Variants in PRNP observed in about 807,000 individuals in gnomAD.
PRNP encodes major prion protein.
In PRNP, 15 loss-of-function variants were observed where a neutral mutation model predicts 21.3. The observed-to-expected ratio is 0.71, with a 90% CI of 0.47 to 1.09. The LOEUF (loss-of-function observed/expected upper bound fraction) is 1.09. Ranked by LOEUF, PRNP falls within the 50% of genes least tolerant of loss-of-function variation. The pLI, the probability that PRNP is intolerant of heterozygous loss-of-function variation, is 0.00. For synonymous variants in PRNP, 121 were observed against 123.1 expected, an observed-to-expected ratio of 0.98 and a Z score of 0.11; for missense variants, 285 against 340.9, an observed-to-expected ratio of 0.84 and a Z score of 1.29.
At chr20:4,695,808 C>G (rs1922132707) in intron 1 of PRNP, among the ~76,000 whole-genome samples, 1 of 152,240 alleles carries the variant, frequency 6.6e-6, no homozygotes, top group African/African-American at 2.4e-5. Flanking sequence ...TTGTACCTTT[C>G]ACATGTAAGT....
At chr20:4,687,806 C>T (rs533226725) in intron 1 of PRNP, among the ~76,000 whole-genome samples, 1 of 152,264 alleles carries the variant, frequency 6.6e-6, no homozygotes, top group South Asian at 2.1e-4. Context: ...AAGTGTTTCC[C>T]GTTTCCTTAG....
In PRNP at chr20:4,700,905, G is replaced by A. The variant is rs759771601; in HGVS notation, c.*923G>A. ...TTTGACATACAGGAGAGCTGCAGTT[G>A]TGAAAGCACCATCATCATAGAGGAT... On this transcript the variant is annotated 3_prime_UTR_variant, in exon 2 of 2. Coordinates refer to ENST00000379440, the MANE Select transcript of PRNP (RefSeq NM_000311.5). This position sits in a 1 kb window ranked among gnomAD's most constrained non-coding sequence, Gnocchi z 4.1. 4 of 166,776 alleles carry A rather than the reference G, an allele frequency of 2.4e-5. No individual in the cohort carries two copies. Among genetic ancestry groups the A allele is most frequent in the Admixed American group, 1.3e-4 (2 of 15,288 alleles). 10.3% of individuals were successfully genotyped at this position (166,776 alleles called of 1,614,324 possible). A position where few individuals can be genotyped will look rare whatever the true frequency, so the allele number is the denominator to read the frequency against.
Position 4,700,065 on chromosome 20 carries a change from TG to T in PRNP, c.*85del. On this transcript the variant is annotated 3_prime_UTR_variant, in exon 2 of 2. Coordinates refer to ENST00000379440, the MANE Select transcript of PRNP (RefSeq NM_000311.5). The surrounding 1 kb of genome is among the most constrained non-coding windows in gnomAD (Gnocchi z 4.1). ...TATCCACCTGCAGCCCTTTTAGTGG[TG>T]GTGTCTCACTCTTTCTTCTCTCTTT... is the stretch of plus-strand genomic sequence containing the variant. 1 of 1,551,638 alleles carries T rather than the reference TG, an allele frequency of 6.4e-7. No individual in the cohort carries two copies. Among genetic ancestry groups the T allele is most frequent in the Non-Finnish European group, 8.7e-7 (1 of 1,147,284 alleles).
Position 4,699,777 on chromosome 20 carries a change from A to G in PRNP, c.557A>G (p.Gln186Arg). The G allele has an allele frequency of 6.2e-7, 1 of 1,614,082 alleles. No individual in the cohort carries two copies. Residue 186 changes from glutamine (Q) to arginine (R), a missense_variant, in exon 2 of 2, where the codon CAG becomes CGG. By Grantham distance (43) the Gln-to-Arg change is conservative (BLOSUM62 1). Coordinates refer to ENST00000379440, the MANE Select transcript of PRNP (RefSeq NM_000311.5). The surrounding 1 kb of genome is among the most constrained non-coding windows in gnomAD (Gnocchi z 5.8). ...GACTGCGTCAATATCACAATCAAGC[A>G]GCACACGGTCACCACAACCACCAAG... is the stretch of plus-strand genomic sequence containing the variant. ...VHDCVNITIK[Q>R]HTVTTTTKGE...
rs144761060 is a variant in PRNP, at chr20:4,697,887, T to C, written c.-10-1324T>C. The stretch of plus-strand genomic sequence containing the variant: ...AGGTGCTTAGCATTGATTTTCAAGG[T>C]AGAGCTACTGAGATTTGCTGATAGA... On this transcript the variant is annotated intron_variant, in intron 1 of 1. Coordinates refer to ENST00000379440, the MANE Select transcript of PRNP (RefSeq NM_000311.5). The surrounding 1 kb of genome is among the most constrained non-coding windows in gnomAD (Gnocchi z 4.6). 2.2e-4 allele frequency among the ~76,000 whole-genome samples: 33 copies of C among 152,358 alleles called. No homozygotes were observed. Among genetic ancestry groups the C allele is most frequent in the African/African-American group, 6.7e-4 (28 of 41,578 alleles).
chr20:4,697,419 G>C lies in PRNP; in HGVS notation c.-10-1792G>C, dbSNP rs1922234690. Among the ~76,000 whole-genome samples, 1 of 152,208 alleles carries C rather than the reference G, an allele frequency of 6.6e-6. No homozygotes were observed. Among genetic ancestry groups the C allele is most frequent in the African/African-American group, 2.4e-5 (1 of 41,452 alleles). ...AAATAACATAATATCTCAAGTAGCT[G>C]TAACTGCTCCAGAGAATAATGAAGC... On this transcript the variant is annotated intron_variant, in intron 1 of 1. Transcript: ENST00000379440. This position sits in a 1 kb window ranked among gnomAD's most constrained non-coding sequence, Gnocchi z 4.6.
intron 1 of PRNP, among the ~76,000 whole-genome samples, chr20:4,689,329 G>C (rs960492097): frequency 3.3e-5 from 5 of 152,158 alleles, no homozygotes; most frequent in East Asian, 1.9e-4. Context: ...GTGATCACAA[G>C]CTCTTGATCC....
chr20:4,700,898 T>G lies in PRNP; in HGVS notation c.*916T>G, dbSNP rs1040286622. 1 of 166,816 alleles carries G rather than the reference T, an allele frequency of 6.0e-6. No individual in the cohort carries two copies. The highest frequency in any genetic ancestry group is 2.1e-4 in the South Asian group (1 of 4,830). 10.3% of individuals were successfully genotyped at this position (166,816 alleles called of 1,614,324 possible). ...GAATGATTTTGACATACAGGAGAGCTGCAGTTGTGAAAGCACCATCATCAT... is the reference window on the plus strand; with the variant it reads ...GAATGATTTTGACATACAGGAGAGCGGCAGTTGTGAAAGCACCATCATCAT... On this transcript the variant is annotated 3_prime_UTR_variant, in exon 2 of 2. Coordinates refer to ENST00000379440, the MANE Select transcript of PRNP (RefSeq NM_000311.5). This position sits in a 1 kb window ranked among gnomAD's most constrained non-coding sequence, Gnocchi z 4.1.
Position 4,699,774 on chromosome 20 carries a change from A to G in PRNP, c.554A>G (p.Lys185Arg). ...FVHDCVNITI[K>R]QHTVTTTTKG... is the part of the protein sequence containing the mutation. ...CACGACTGCGTCAATATCACAATCA[A>G]GCAGCACACGGTCACCACAACCACC... Residue 185 changes from lysine to arginine, a missense_variant, in exon 2 of 2, where the codon AAG (lysine) becomes AGG (arginine). Transcript: ENST00000379440. The surrounding 1 kb of genome is among the most constrained non-coding windows in gnomAD (Gnocchi z 5.8). The G allele has an allele frequency of 6.2e-7, 1 of 1,614,026 alleles. No homozygotes were observed. The highest frequency in any genetic ancestry group is 2.2e-5 in the East Asian group (1 of 44,854).
intron 1 of PRNP, among the ~76,000 whole-genome samples, chr20:4,691,133 T>A (rs953378580): frequency 1.3e-5 from 2 of 152,140 alleles, no homozygotes; most frequent in African/African-American, 4.8e-5. Context: ...CTGAAAACTA[T>A]AAAACACTGA....
chr20:4,687,418 G>A (rs1185139894), intron 1 of PRNP, among the ~76,000 whole-genome samples: 4 of 152,230 alleles, frequency 2.6e-5, no homozygotes, highest in Non-Finnish European at 5.9e-5. Context: ...CTGGCCATGG[G>A]GGGCTCCAAG....
chr20:4,689,989 C>G (rs1211094973), intron 1 of PRNP, among the ~76,000 whole-genome samples: 3 of 152,184 alleles, frequency 2.0e-5, no homozygotes, highest in Non-Finnish European at 4.4e-5. Flanking sequence ...AATCCCATCG[C>G]TAGGCACTCT....
At position 4,699,332 on chromosome 20, in the gene PRNP, T is replaced by A; in HGVS notation, c.112T>A (p.Tyr38Asn). ...AGGATGGAACACTGGGGGCAGCCGATACCCGGGGCAGGGCAGCCCTGGAGG... is the reference window on the plus strand; with the variant it reads ...AGGATGGAACACTGGGGGCAGCCGAAACCCGGGGCAGGGCAGCCCTGGAGG... ...PGGWNTGGSR[Y>N]PGQGSPGGNR... The change falls in exon 2 of 2, where the codon TAC becomes AAC. Residue 38 changes from tyrosine to asparagine, a missense_variant. Physicochemically the swap from Tyr to Asn is moderately radical, Grantham distance 143. Coordinates refer to ENST00000379440, the MANE Select transcript of PRNP (RefSeq NM_000311.5). The surrounding 1 kb of genome is among the most constrained non-coding windows in gnomAD (Gnocchi z 5.8). The A allele has an allele frequency of 6.2e-7, 1 of 1,613,722 alleles. No homozygotes were observed. Among genetic ancestry groups the A allele is most frequent in the Non-Finnish European group, 8.5e-7 (1 of 1,179,906 alleles).
intron 1 of PRNP, among the ~76,000 whole-genome samples, chr20:4,691,583 G>A (rs189815513): frequency 6.6e-6 from 1 of 152,242 alleles, no homozygotes; most frequent in East Asian, 1.9e-4. Flanking sequence ...TGTGTATGTT[G>A]AACCATCCTT....
chr20:4,694,855 TTA>T, intron 1 of PRNP, among the ~76,000 whole-genome samples: 1 of 152,260 alleles, frequency 6.6e-6, no homozygotes, highest in East Asian at 1.9e-4. Context: ...GCGTTAAGTG[TTA>T]TATCATTTTT....
In PRNP at chr20:4,699,927, C is replaced by T. The variant is rs775737462; in HGVS notation, c.707C>T (p.Ser236Phe). 8 of 1,613,740 alleles carry T rather than the reference C, an allele frequency of 5.0e-6. No homozygotes were observed. In the South Asian group the frequency reaches 7.7e-5, roughly 16 times the overall value. Residue 236 changes from serine (S) to phenylalanine (F), a missense_variant, in exon 2 of 2, where the codon TCC (serine) becomes TTC (phenylalanine). Coordinates refer to ENST00000379440, the MANE Select transcript of PRNP (RefSeq NM_000311.5). The surrounding 1 kb of genome is among the most constrained non-coding windows in gnomAD (Gnocchi z 5.8). ...AGAGGATCGAGCATGGTCCTCTTCT[C>T]CTCTCCACCTGTGATCCTCCTGATC... ...YQRGSSMVLF[S>F]SPPVILLISF...
At position 4,700,405 on chromosome 20, in the gene PRNP, G is replaced by A. The variant is rs1309274308; in HGVS notation, c.*423G>A. The A allele has an allele frequency of 3.1e-6, 1 of 322,502 alleles. No individual in the cohort carries two copies. The highest frequency in any genetic ancestry group is 6.4e-6 in the Non-Finnish European group (1 of 157,210). 20.0% of individuals were successfully genotyped at this position (322,502 alleles called of 1,614,324 possible). ...AGTAGAGATTTCATAGCTATTTAGA[G>A]ATATTTTCCATTTTAAGAAAACCCG... On this transcript the variant is annotated 3_prime_UTR_variant, in exon 2 of 2. Transcript: ENST00000379440. The surrounding 1 kb of genome is among the most constrained non-coding windows in gnomAD (Gnocchi z 4.1).
intron 1 of PRNP, among the ~76,000 whole-genome samples, chr20:4,693,899 C>T (rs1308242951): frequency 6.6e-6 from 1 of 150,456 alleles, no homozygotes; most frequent in African/African-American, 2.5e-5. Flanking sequence ...GAATTTGAGA[C>T]CAGCCTGGGC....
intron 1 of PRNP, among the ~76,000 whole-genome samples, chr20:4,696,380 G>A (rs1439308585): frequency 6.6e-6 from 1 of 152,180 alleles, no homozygotes; most frequent in Non-Finnish European, 1.5e-5. Context: ...ACGCTTTACA[G>A]TTTGGTTGTT....
Sources: allele counts gnomAD v4.1 joint callset (sites outside exome capture counted in the v4.1 genomes callset), GRCh38; gene constraint gnomAD v4.1.1; non-coding constraint Gnocchi (gnomAD v3.1); transcripts MANE v1.5; gene names NCBI Gene and HGNC (gene_info 2026-07-23, HGNC 2026-07-21).